Variants in VEZT observed in about 807,000 individuals in gnomAD.
VEZT encodes the protein vezatin.
In VEZT, 39 loss-of-function variants were observed where a neutral mutation model predicts 79.9. That is an observed-to-expected ratio of 0.49 (90% CI 0.38 to 0.64). The LOEUF is 0.64. VEZT is among the 30% of genes least tolerant of loss of function. The probability of loss-of-function intolerance (pLI) is 0.00; values close to 1 mark genes in which losing one functional copy is unlikely to be tolerated. For missense variants in VEZT, 837 were observed against 893.1 expected (o/e 0.94, Z 0.80); for synonymous variants, 325 against 327.6 (o/e 0.99, Z 0.09).
At chr12:95,240,034 AAGGAAGGAAGGAAG>A (rs2060767843) in intron 1 of VEZT, among the ~76,000 whole-genome samples, 1 of 91,300 alleles carries the variant, frequency 1.1e-5, no homozygotes, top group Non-Finnish European at 2.6e-5. Context: ...GGAAGGAAGG[AAGGAAGGAAGGAAG>A]GAAGGAAGGA....
chr12:95,246,823 C>CA (rs971025135), intron 1 of VEZT, among the ~76,000 whole-genome samples: 55 of 152,062 alleles, frequency 3.6e-4, no homozygotes, highest in African/African-American at 1.2e-3. Flanking sequence ...GATTTCTCTT[C>CA]AAAAAAACAA....
intron 9 of VEZT, 55 bp downstream of exon 9, chr12:95,287,912 T>C: frequency 6.9e-7 from 1 of 1,439,446 alleles, no homozygotes; most frequent in South Asian, 1.5e-5. Context: ...TATTCCACTC[T>C]GGTAGGATTT....
rs767459619 is a variant in VEZT, at chr12:95,294,223, G to T, written c.1523-49G>T. The T allele has an allele frequency of 2.1e-6, 3 of 1,459,600 alleles. No homozygotes were observed. The East Asian group carries it at 7.4e-5, about 36-fold the overall frequency. The allele number at this position is 1,459,600 out of a possible 1,614,324, so 90.4% of individuals were successfully genotyped here. ...TTTAATTAGATGTTCACTCATTTCTGTGTGGTCTGTTTCTTATCTTTATTC... is the reference window on the plus strand; with the variant it reads ...TTTAATTAGATGTTCACTCATTTCTTTGTGGTCTGTTTCTTATCTTTATTC... On this transcript the variant is annotated intron_variant, in intron 9 of 11. Transcript: ENST00000436874.
At chr12:95,285,982 C>CTT (rs869030351) in intron 8 of VEZT, among the ~76,000 whole-genome samples, 9,180 of 85,812 alleles carry the variant, frequency 0.11, 1,959 homozygotes, top group Non-Finnish European at 0.16. Flanking sequence ...CCGACCCCTT[C>CTT]TTTTTTTTTT....
intron 1 of VEZT, among the ~76,000 whole-genome samples, chr12:95,220,346 T>A (rs1275206669): frequency 6.6e-6 from 1 of 152,078 alleles, no homozygotes; most frequent in Non-Finnish European, 1.5e-5. Flanking sequence ...TCCCAGCTAC[T>A]CGGGAGGCTG....
At chr12:95,236,541 T>G (rs2060219263) in intron 1 of VEZT, among the ~76,000 whole-genome samples, 2 of 151,880 alleles carry the variant, frequency 1.3e-5, no homozygotes, top group East Asian at 3.9e-4. Flanking sequence ...GTTTCTAACC[T>G]TGTGTAACGT....
At chr12:95,231,450 C>A (rs562239614) in intron 1 of VEZT, 1 of 152,118 alleles carries the variant, frequency 6.6e-6, no homozygotes, top group Admixed American at 6.5e-5. Flanking sequence ...AAGTGGGAAT[C>A]ATCAAAGAAA....
intron 7 of VEZT, among the ~76,000 whole-genome samples, chr12:95,278,170 T>C (rs2068184616): frequency 6.6e-6 from 1 of 152,210 alleles, no homozygotes; most frequent in South Asian, 2.1e-4. Context: ...GTTCAGTGCC[T>C]GGTGTAGAGT....
At chr12:95,299,344 G>A (rs148298024) in intron 11 of VEZT, 1 of 153,984 alleles carries the variant, frequency 6.5e-6, no homozygotes, top group African/African-American at 2.4e-5. Flanking sequence ...CGACTGCCTA[G>A]CAAGCAACCC....
At chr12:95,234,894 C>A (rs939265337) in intron 1 of VEZT, among the ~76,000 whole-genome samples, 2 of 152,110 alleles carry the variant, frequency 1.3e-5, no homozygotes, top group Non-Finnish European at 2.9e-5. Flanking sequence ...ATCTGTTTAA[C>A]AAAGCACATC....
At chr12:95,282,185 G>T (rs187424430) in intron 7 of VEZT, 128 bp from the exon 8 acceptor site, 4 of 798,226 alleles carry the variant, frequency 5.0e-6, no homozygotes, top group Non-Finnish European at 7.7e-6. Flanking sequence ...GTTTAAGTTC[G>T]GCTATATTTA....
At position 95,300,786 on chromosome 12, in the gene VEZT, G is replaced by A; in HGVS notation, c.*113G>A. ...TTTACTATATATAAAGCTAAGATGT[G>A]GATTTACAGGAAGAACCCTGGTTTG... On this transcript the variant is annotated 3_prime_UTR_variant, in exon 12 of 12. Coordinates refer to ENST00000436874, the MANE Select transcript of VEZT (RefSeq NM_017599.4). 1 of 1,332,256 alleles carries A rather than the reference G, an allele frequency of 7.5e-7. No individual in the cohort carries two copies. 82.5% of individuals were successfully genotyped at this position (1,332,256 alleles called of 1,614,324 possible).
chr12:95,274,647 A>G (rs1307681831), intron 6 of VEZT, 95 bp from the exon 7 acceptor site: 27 of 1,336,900 alleles, frequency 2.0e-5, no homozygotes, highest in Non-Finnish European at 2.6e-5. Flanking sequence ...CCAAAAGTTC[A>G]GAATAAAGAT....
chr12:95,269,813 A>G (rs1364299266), intron 5 of VEZT: 3 of 351,480 alleles, frequency 8.5e-6, no homozygotes, highest in Non-Finnish European at 1.0e-5. Context: ...GCTCTTTGAG[A>G]TGTTAATTTT....
intron 6 of VEZT, among the ~76,000 whole-genome samples, chr12:95,272,497 C>G (rs1467662947): frequency 6.6e-6 from 1 of 152,120 alleles, no homozygotes; most frequent in Admixed American, 6.5e-5. Flanking sequence ...TGAAATGAAA[C>G]AGAGGTGGCC....
intron 11 of VEZT, among the ~76,000 whole-genome samples, chr12:95,297,770 CTTA>C (rs1383328795): frequency 3.9e-5 from 6 of 152,120 alleles, no homozygotes; most frequent in African/African-American, 1.4e-4. Context: ...TAGATATCTT[CTTA>C]TGTTTATCGA....
intron 1 of VEZT, among the ~76,000 whole-genome samples, chr12:95,232,910 G>T (rs1288522282): frequency 6.6e-6 from 1 of 151,966 alleles, no homozygotes; most frequent in Non-Finnish European, 1.5e-5. Flanking sequence ...AGCTCAAGCG[G>T]TCCTCCTGCC....
chr12:95,254,339 CTTTTTTTT>C (rs34968028), intron 2 of VEZT, among the ~76,000 whole-genome samples: 2 of 69,420 alleles, frequency 2.9e-5, no homozygotes, highest in Admixed American at 2.2e-4. Context: ...AAACGAAGTT[CTTTTTTTT>C]TTTTTTTTTT....
chr12:95,235,740 G>A (rs1363265598), intron 1 of VEZT, among the ~76,000 whole-genome samples: 21 of 151,744 alleles, frequency 1.4e-4, no homozygotes, highest in Non-Finnish European at 2.2e-4. Context: ...CCTCCCGGAC[G>A]GGGTGGTTGC....
Sources: gnomAD v4.1 joint callset for allele counts (sites outside exome capture counted in the v4.1 genomes callset) on GRCh38, gnomAD v4.1.1 for gene constraint, MANE v1.5 for transcripts, NCBI Gene and HGNC (gene_info 2026-07-23, HGNC 2026-07-21) for gene names.